The following NOS1AP variants were observed in gnomAD, a reference collection of about 807,000 sequenced individuals.
NOS1AP encodes the protein carboxyl-terminal PDZ ligand of neuronal nitric oxide synthase protein.
Under a neutral mutation model 56.2 loss-of-function variants are expected in NOS1AP, and 21 were observed. That is an observed-to-expected ratio of 0.37 (90% CI 0.26 to 0.54). The LOEUF (loss-of-function observed/expected upper bound fraction) is 0.54. NOS1AP is among the 20% of genes least tolerant of loss of function. The probability of loss-of-function intolerance (pLI) is 0.84; values close to 1 mark genes in which losing one functional copy is unlikely to be tolerated. For missense variants in NOS1AP, 522 were observed against 657.8 expected (o/e 0.79, Z 2.26); for synonymous variants, 270 against 274.6 (o/e 0.98, Z 0.17).
intron 2 of NOS1AP, among the ~76,000 whole-genome samples, chr1:162,172,710 T>G (rs1319104059): frequency 6.6e-6 from 1 of 152,194 alleles, no homozygotes; most frequent in Non-Finnish European, 1.5e-5. Context: ...TTTTTTGTTG[T>G]TGTTTGTTTT....
chr1:162,189,263 T>TA (rs980124738), intron 2 of NOS1AP, among the ~76,000 whole-genome samples: 1 of 152,182 alleles, frequency 6.6e-6, no homozygotes, highest in Non-Finnish European at 1.5e-5. Flanking sequence ...AATGCCATTA[T>TA]AAAAAACCAA....
intron 1 of NOS1AP, among the ~76,000 whole-genome samples, chr1:162,079,463 G>C (rs57056625): frequency 2.6e-5 from 4 of 151,892 alleles, no homozygotes; most frequent in African/African-American, 9.7e-5. Flanking sequence ...CATGAATTTG[G>C]TTGGTAGCAT....
At chr1:162,179,197 C>T (rs898962211) in intron 2 of NOS1AP, among the ~76,000 whole-genome samples, 2 of 152,064 alleles carry the variant, frequency 1.3e-5, no homozygotes, top group Admixed American at 6.6e-5. Context: ...TCATATGTTA[C>T]ACCCTTTTTT....
intron 3 of NOS1AP, among the ~76,000 whole-genome samples, chr1:162,289,005 G>A (rs1655174676): frequency 6.6e-6 from 1 of 152,148 alleles, no homozygotes; most frequent in Admixed American, 6.5e-5. Flanking sequence ...CCCTGGGCCT[G>A]TTAAAGAAAT....
intron 4 of NOS1AP, among the ~76,000 whole-genome samples, chr1:162,313,340 C>G (rs573114860): frequency 6.6e-6 from 1 of 152,060 alleles, no homozygotes; most frequent in African/African-American, 2.4e-5. Flanking sequence ...GGAAAGTGTC[C>G]GTTTTCTTTC....
At chr1:162,254,311 T>C (rs1653957734) in intron 2 of NOS1AP, among the ~76,000 whole-genome samples, 1 of 152,182 alleles carries the variant, frequency 6.6e-6, no homozygotes. Flanking sequence ...AGAGCTGGGA[T>C]TTCTGGTGAC....
intron 4 of NOS1AP, among the ~76,000 whole-genome samples, chr1:162,303,540 C>T (rs1012591817): frequency 1.3e-5 from 2 of 152,148 alleles, no homozygotes; most frequent in African/African-American, 4.8e-5. Flanking sequence ...CTTCTGGGCT[C>T]GAGCAATTCC....
At chr1:162,252,034 T>C (rs1194673669) in intron 2 of NOS1AP, among the ~76,000 whole-genome samples, 2 of 151,728 alleles carry the variant, frequency 1.3e-5, no homozygotes, top group Non-Finnish European at 2.9e-5. Context: ...AGGGGGTAAA[T>C]TCTTTTTTCT....
At chr1:162,322,871 A>G (rs920050249) in intron 4 of NOS1AP, among the ~76,000 whole-genome samples, 8 of 152,250 alleles carry the variant, frequency 5.3e-5, no homozygotes, top group African/African-American at 1.7e-4. Flanking sequence ...AATACGGGTA[A>G]TGAATGACAT....
intron 2 of NOS1AP, among the ~76,000 whole-genome samples, chr1:162,282,926 T>G (rs933965239): frequency 6.6e-6 from 1 of 152,112 alleles, no homozygotes; most frequent in African/African-American, 2.4e-5. Context: ...GCAGAGACAG[T>G]GAGAAGGACT....
chr1:162,106,489 A>T (rs1250404419), intron 1 of NOS1AP, among the ~76,000 whole-genome samples: 1 of 152,080 alleles, frequency 6.6e-6, no homozygotes, highest in South Asian at 2.1e-4. Context: ...CTTGTATTTT[A>T]TGGCTCTTTT....
At chr1:162,221,534 G>GCACACACA (rs35920520) in intron 2 of NOS1AP, among the ~76,000 whole-genome samples, 886 of 73,430 alleles carry the variant, frequency 0.012, 14 homozygotes, top group African/African-American at 0.021. Context: ...ACACACGCGC[G>GCACACACA]CACACACACA....
chr1:162,280,921 A>G (rs966722889), intron 2 of NOS1AP, among the ~76,000 whole-genome samples: 11 of 152,226 alleles, frequency 7.2e-5, no homozygotes, highest in Non-Finnish European at 1.3e-4. Context: ...TAAATCAACA[A>G]TACAAGACAC....
intron 4 of NOS1AP, among the ~76,000 whole-genome samples, chr1:162,324,545 G>A (rs1413426974): frequency 6.7e-6 from 1 of 150,368 alleles, no homozygotes; most frequent in Non-Finnish European, 1.5e-5. Flanking sequence ...AAGTAAAGCA[G>A]GGGAGGTTTT....
At chr1:162,180,807 T>C (rs1220759778) in intron 2 of NOS1AP, among the ~76,000 whole-genome samples, 1 of 152,174 alleles carries the variant, frequency 6.6e-6, no homozygotes, top group African/African-American at 2.4e-5. Context: ...TTTGCAAGAC[T>C]CTCAGCAGAG....
intron 1 of NOS1AP, among the ~76,000 whole-genome samples, chr1:162,094,112 G>A (rs1007106543): frequency 6.6e-6 from 1 of 152,130 alleles, no homozygotes; most frequent in Non-Finnish European, 1.5e-5. Context: ...TGATAGACTC[G>A]CACCAATGGC....
intron 8 of NOS1AP, chr1:162,364,577 C>T: frequency 1.0e-6 from 1 of 985,460 alleles, no homozygotes; most frequent in Non-Finnish European, 1.2e-6. Context: ...TGCATTGCTG[C>T]CAACTGCTCT....
intron 1 of NOS1AP, among the ~76,000 whole-genome samples, chr1:162,104,834 G>A (rs1647434924): frequency 6.6e-6 from 1 of 152,082 alleles, no homozygotes; most frequent in Non-Finnish European, 1.5e-5. Flanking sequence ...TAGCTTCTAT[G>A]CATTGAGTAA....
Position 162,336,361 on chromosome 1 carries a change from G to T in NOS1AP, c.453+3236G>T, listed in dbSNP as rs143058640. The stretch of plus-strand genomic sequence containing the variant: ...TGAACCCAGAGGGTCTGACTGTGGA[G>T]CTCACACTCTTACCCACTCCATTAT... On this transcript the variant is annotated intron_variant, in intron 5 of 9. Transcript: ENST00000361897. 2.6e-5 allele frequency among the ~76,000 whole-genome samples: 4 copies of T among 152,218 alleles called. No individual in the cohort carries two copies. In the East Asian group the frequency reaches 7.7e-4, roughly 29 times the overall value.
Sources: allele counts gnomAD v4.1 joint callset (sites outside exome capture counted in the v4.1 genomes callset), GRCh38; gene constraint gnomAD v4.1.1; transcripts MANE v1.5; gene names NCBI Gene and HGNC (gene_info 2026-07-23, HGNC 2026-07-21).